Variants in PCGF3 observed in about 807,000 individuals in gnomAD.
PCGF3 encodes polycomb group ring finger 3.
A neutral mutation model predicts 33.1 loss-of-function variants in PCGF3; 7 were observed. The observed-to-expected ratio is 0.21, with a 90% confidence interval of 0.12 to 0.40. The LOEUF (loss-of-function observed/expected upper bound fraction) is 0.40, where lower values mean the gene tolerates loss of function less well. Ranked by LOEUF, PCGF3 falls within the 10% of genes least tolerant of loss-of-function variation. The pLI is 1.00. For missense variants in PCGF3, 211 were observed against 313.3 expected (o/e 0.67, Z 2.46); for synonymous variants, 153 against 121.3 (o/e 1.26, Z -1.72).
chr4:732,335 T>TCCCTAC (rs1553844972), intron 3 of PCGF3: 59 of 77,894 alleles, frequency 7.6e-4, no homozygotes, highest in Non-Finnish European at 1.1e-3. Context: ...TCCCCTTCCC[T>TCCCTAC]CCTCCCCTCC....
intron 9 of PCGF3, chr4:761,678 T>A (rs1745067535): frequency 4.1e-6 from 4 of 985,250 alleles, no homozygotes; most frequent in South Asian, 9.4e-5. Context: ...TGTTTTAAAA[T>A]AGGATAAAGG....
chr4:733,838 C>T (rs551040596), intron 4 of PCGF3, 49 bp downstream of exon 4: 1 of 1,613,338 alleles, frequency 6.2e-7, no homozygotes, highest in East Asian at 2.2e-5. Flanking sequence ...CTTCCCAGCT[C>T]TGTGCTCTTC....
At chr4:711,428 GA>G (rs1742555875) in intron 1 of PCGF3, among the ~76,000 whole-genome samples, 3 of 150,548 alleles carry the variant, frequency 2.0e-5, no homozygotes, top group Non-Finnish European at 4.4e-5. Flanking sequence ...AATTGAAGTT[GA>G]AAATGTAATT....
exon 11 of PCGF3, chr4:768,898 G>A (rs1488169701): frequency 6.6e-6 from 1 of 152,622 alleles, no homozygotes; most frequent in East Asian, 1.9e-4. Context: ...TTGTGCAATA[G>A]GTTCCAATAT....
At chr4:766,150 C>T (rs1255977851) in exon 11 of PCGF3, 2 of 1,288,416 alleles carry the variant, frequency 1.6e-6, no homozygotes, top group Admixed American at 1.7e-5. Context: ...CGCTTAAGAA[C>T]ATTGCCTCTG....
intron 9 of PCGF3, 22 bp downstream of exon 9, chr4:761,438 G>T (rs1316928659): frequency 6.4e-7 from 1 of 1,571,860 alleles, no homozygotes; most frequent in Admixed American, 1.9e-5. Flanking sequence ...TCCCTAAGTA[G>T]AAACCATAAC....
chr4:751,367 T>C (rs1189917266), intron 8 of PCGF3, among the ~76,000 whole-genome samples: 3 of 152,190 alleles, frequency 2.0e-5, no homozygotes, highest in East Asian at 1.9e-4. Flanking sequence ...GTTATAGTTA[T>C]TTAGGCTTAA....
intron 8 of PCGF3, among the ~76,000 whole-genome samples, chr4:748,004 C>T (rs1446577940): frequency 2.0e-5 from 3 of 152,164 alleles, no homozygotes; most frequent in Non-Finnish European, 4.4e-5. Flanking sequence ...CCTTTTCCTC[C>T]GGGCGCGTCT....
rs1227210766 is a variant in PCGF3, at chr4:731,130, A to G, written c.-10+20A>G. On this transcript the variant is annotated intron_variant, in intron 3 of 10. Transcript: ENST00000362003. ...GCGGAGGTGAGGCCCACGCCCCCCG[A>G]CCCCGGGGGTCCTGCTGACTCCTTG... 2 of 398,128 alleles carry G rather than the reference A, an allele frequency of 5.0e-6. No individual in the cohort carries two copies. The highest frequency in any genetic ancestry group is 4.1e-5 in the African/African-American group (2 of 48,516). The allele number at this position is 398,128 out of a possible 1,614,324, so 24.7% of individuals were successfully genotyped here.
chr4:709,108 CAG>C (rs768539005), intron 1 of PCGF3, among the ~76,000 whole-genome samples: 2 of 152,198 alleles, frequency 1.3e-5, no homozygotes, highest in African/African-American at 2.4e-5. Context: ...GACATCTTGT[CAG>C]GGGTGTTTCC....
intron 1 of PCGF3, among the ~76,000 whole-genome samples, chr4:726,565 C>G (rs1187380941): frequency 1.3e-5 from 2 of 152,200 alleles, no homozygotes; most frequent in Admixed American, 6.5e-5. Context: ...CCTTCATGGT[C>G]AGTTTTGTTT....
In PCGF3 at chr4:713,839, C is replaced by T. The variant is rs571104229; in HGVS notation, c.-190+7869C>T. 5.3e-5 allele frequency among the ~76,000 whole-genome samples: 8 copies of T among 152,242 alleles called. No homozygotes were observed. In the East Asian group the frequency reaches 7.7e-4, roughly 15 times the overall value. Reference sequence around the variant, plus strand: ...TGAGCCTGGCACAGCAGAGGGCGCACAGGGCAGGCATCATTGGAATGTGGG... The same window carrying T: ...TGAGCCTGGCACAGCAGAGGGCGCATAGGGCAGGCATCATTGGAATGTGGG... On this transcript the variant is annotated intron_variant, in intron 1 of 10. Coordinates refer to ENST00000362003, the Ensembl canonical transcript of PCGF3.
intron 3 of PCGF3, 72 bp from the exon 4 acceptor site, chr4:733,600 T>G (rs939654149): frequency 2.1e-4 from 313 of 1,485,256 alleles, no homozygotes; most frequent in Non-Finnish European, 2.7e-4. Context: ...TGGGGGCGGC[T>G]GTCAGAGCTC....
At chr4:757,377 A>G (rs1378464998) in intron 8 of PCGF3, 2 of 152,252 alleles carry the variant, frequency 1.3e-5, no homozygotes, top group African/African-American at 4.8e-5. Flanking sequence ...TCCGCTGCTT[A>G]TAGAGACGTG....
At chr4:768,298 T>G (rs1477520119) in exon 11 of PCGF3, 1 of 152,628 alleles carries the variant, frequency 6.6e-6, no homozygotes, top group African/African-American at 2.4e-5. Context: ...GGCCTCTGCC[T>G]CTCGTCTGAC....
chr4:753,132 C>T (rs1744600515), intron 8 of PCGF3, among the ~76,000 whole-genome samples: 1 of 152,256 alleles, frequency 6.6e-6, no homozygotes, highest in Non-Finnish European at 1.5e-5. Context: ...CCTTCTCTCC[C>T]AGAGCTGACA....
chr4:725,959 G>A (rs952078615), intron 1 of PCGF3, among the ~76,000 whole-genome samples: 3 of 152,150 alleles, frequency 2.0e-5, no homozygotes, highest in Non-Finnish European at 2.9e-5. Context: ...CTGTGTCTCC[G>A]ATTAACCCTC....
At chr4:722,768 A>G (rs865944535) in intron 1 of PCGF3, among the ~76,000 whole-genome samples, 6 of 29,178 alleles carry the variant, frequency 2.1e-4, no homozygotes, top group Non-Finnish European at 3.6e-4. Flanking sequence ...ATCGCCATCC[A>G]CGCCGGGTCC....
At chr4:757,372 T>C (rs1744813987) in intron 8 of PCGF3, 1 of 152,258 alleles carries the variant, frequency 6.6e-6, no homozygotes. Flanking sequence ...GTGCGTCCGC[T>C]GCTTATAGAG....
Sources: gnomAD v4.1 joint callset for allele counts (sites outside exome capture counted in the v4.1 genomes callset) on GRCh38, gnomAD v4.1.1 for gene constraint, MANE v1.5 for transcripts, NCBI Gene and HGNC (gene_info 2026-07-23, HGNC 2026-07-21) for gene names.